Variants in ADH1B observed in about 807,000 individuals in gnomAD.
The protein encoded by ADH1B is all-trans-retinol dehydrogenase [NAD(+)] ADH1B.
ADH1B carries 29 observed loss-of-function variants against 34.6 expected under a neutral mutation model. That is an observed-to-expected ratio of 0.84 (90% CI 0.62 to 1.14). ADH1B has a LOEUF of 1.14. ADH1B is among the 50% of genes most tolerant of loss of function. The probability of loss-of-function intolerance (pLI) is 0.00; values close to 1 mark genes in which losing one functional copy is unlikely to be tolerated. For missense variants in ADH1B, 424 were observed against 468.4 expected (o/e 0.91, Z 0.87); for synonymous variants, 170 against 175.5 (o/e 0.97, Z 0.25).
chr4:99,318,556 CAAACAT>C (rs1412891529), intron 2 of ADH1B: 4 of 528,516 alleles, frequency 7.6e-6, no homozygotes, highest in East Asian at 6.8e-5. Context: ...TTTTTCTGTA[CAAACAT>C]AAATTCTTTT....
rs1013685925 is a variant in ADH1B, at chr4:99,320,947, AAC to A, written c.18+365_18+366del. On this transcript the variant is annotated intron_variant, in intron 1 of 8. Coordinates refer to ENST00000305046, the MANE Select transcript of ADH1B (RefSeq NM_000668.6). Reference sequence around the variant, plus strand: ...CATAAAAAATTTGAATAAAAATAATAACACATTTGAATTATGGTTTCTTATTA... The same window carrying A: ...CATAAAAAATTTGAATAAAAATAATAACATTTGAATTATGGTTTCTTATTA... 1.1e-5 allele frequency: 14 copies of A among 1,226,908 alleles called. No individual in the cohort carries two copies. In the African/African-American group the frequency reaches 1.3e-4, roughly 11 times the overall value. 76.0% of individuals were successfully genotyped at this position (1,226,908 alleles called of 1,614,324 possible).
intron 2 of ADH1B, 192 bp downstream of exon 2, chr4:99,318,593 T>C: frequency 1.7e-6 from 1 of 598,010 alleles, no homozygotes. Context: ...GGAATTATAC[T>C]GTATGTACTC....
intron 3 of ADH1B, chr4:99,317,656 CT>C (rs1166656795): frequency 3.1e-5 from 6 of 192,560 alleles, no homozygotes; most frequent in African/African-American, 7.1e-5. Context: ...TCCACATTTA[CT>C]TTTTTTCCCT....
rs1370075179 is a variant in ADH1B at position 99,318,768 on chromosome 4, A to G, written c.120+17T>C. On this transcript the variant is annotated intron_variant, in intron 2 of 8. Transcript: ENST00000305046. The stretch of plus-strand genomic sequence containing the variant: ...TTTTTAAATGTAAAATGAAATATAA[A>G]TGGAAAAATATTTCACCTTAATGCG... 1 of 1,590,700 alleles carries G rather than the reference A, an allele frequency of 6.3e-7. No homozygotes were observed. The highest frequency in any genetic ancestry group is 8.6e-7 in the Non-Finnish European group (1 of 1,168,422).
rs142861273 is a variant in ADH1B at position 99,315,931 on chromosome 4, C to A, written c.534G>T (p.Ser178=). 7 of 1,614,184 alleles carry A rather than the reference C, an allele frequency of 4.3e-6. No homozygotes were observed. The highest frequency in any genetic ancestry group is 2.2e-5 in the South Asian group (2 of 91,076). ...EKVCLIGCGF[S]TGYGSAVNVA... is the part of the protein sequence containing the mutation. ...CGTTAACTGCAGACCCATAACCAGT[C>A]GAGAATCCACAGCCAATGAGGCAGA... is the stretch of plus-strand genomic sequence containing the variant. Residue 178 remains serine (S), a synonymous_variant, in exon 5 of 9, where the codon TCG becomes TCT. Coordinates refer to ENST00000305046, the MANE Select transcript of ADH1B (RefSeq NM_000668.6).
rs544936759 is a variant in ADH1B at position 99,307,406 on chromosome 4, C to T, written c.*434G>A. 1.6e-5 allele frequency: 3 copies of T among 182,102 alleles called. No individual in the cohort carries two copies. The highest frequency in any genetic ancestry group is 1.8e-4 in the East Asian group (1 of 5,492). The allele number at this position is 182,102 out of a possible 1,614,324, so 11.3% of individuals were successfully genotyped here. On this transcript the variant is annotated 3_prime_UTR_variant, in exon 9 of 9. Coordinates refer to ENST00000305046, the MANE Select transcript of ADH1B (RefSeq NM_000668.6). ...ATTTTTATTAGAAAAAGGAAAATGT[C>T]GACAGTGAAAACTGAGACAGAGTTA... is the stretch of plus-strand genomic sequence containing the variant.
At position 99,313,876 on chromosome 4, in the gene ADH1B, A is replaced by G. The variant is rs1733812152; in HGVS notation, c.773T>C (p.Met258Thr). Residue 258 changes from methionine to threonine, a missense_variant, in exon 6 of 9, where the codon ATG becomes ACG. By Grantham distance (81) the Met-to-Thr change is moderately conservative. Transcript: ENST00000305046. ...CGAAAAATCCACACCTCCATCAGTC[A>G]TTTCCTTTAGCACTTCCTGAATGGG... ...KKPIQEVLKE[M>T]TDGGVDFSFE... is the part of the protein sequence containing the mutation. 1.2e-6 allele frequency: 2 copies of G among 1,614,018 alleles called. No individual in the cohort carries two copies. Among genetic ancestry groups the G allele is most frequent in the Non-Finnish European group, 1.7e-6 (2 of 1,179,918 alleles).
At position 99,305,397 on chromosome 4, in the gene ADH1B, C is replaced by T. The variant is rs1369953644; in HGVS notation, c.*2443G>A. 2.0e-5 allele frequency: 3 copies of T among 150,096 alleles called. No homozygotes were observed. Among genetic ancestry groups the T allele is most frequent in the Non-Finnish European group, 4.4e-5 (3 of 67,664 alleles). 9.3% of individuals were successfully genotyped at this position (150,096 alleles called of 1,614,324 possible). A position where few individuals can be genotyped will look rare whatever the true frequency, so the allele number is the denominator to read the frequency against. ...GCCATGCACATTTTCTCCCTGTCTT[C>T]AGTCCTGTGTCTGTCACTCTCATAA... is the stretch of plus-strand genomic sequence containing the variant. On this transcript the variant is annotated 3_prime_UTR_variant, in exon 9 of 9. Coordinates refer to ENST00000305046, the MANE Select transcript of ADH1B (RefSeq NM_000668.6).
rs1293946152 is a variant in ADH1B at position 99,314,110 on chromosome 4, T to C, written c.568-29A>G. ...TGTTTTCAGAAAATGCAAAAATAGA[T>C]TAAGTGATGATTGTTAGAAAGTGCC... is the stretch of plus-strand genomic sequence containing the variant. On this transcript the variant is annotated intron_variant, in intron 5 of 8. Transcript: ENST00000305046. 7 of 1,609,436 alleles carry C rather than the reference T, an allele frequency of 4.3e-6. No homozygotes were observed. The African/African-American group carries it at 5.4e-5, about 12-fold the overall frequency.
At position 99,306,546 on chromosome 4, in the gene ADH1B, A is replaced by G. The variant is rs940163189; in HGVS notation, c.*1294T>C. The G allele has an allele frequency of 1.3e-5, 2 of 152,232 alleles. No homozygotes were observed. The highest frequency in any genetic ancestry group is 2.9e-5 in the Non-Finnish European group (2 of 68,048). The allele number at this position is 152,232 out of a possible 1,614,324, so 9.4% of individuals were successfully genotyped here. ...CTTTATGTCTAAGGTCTTTCATAAT[A>G]TGAAATAGAATGTAGATATTGCAAC... On this transcript the variant is annotated 3_prime_UTR_variant, in exon 9 of 9. Coordinates refer to ENST00000305046, the MANE Select transcript of ADH1B (RefSeq NM_000668.6).
In ADH1B at chr4:99,316,038, C is replaced by T; in HGVS notation, c.427G>A (p.Gly143Ser). 6.2e-7 allele frequency: 1 copy of T among 1,614,180 alleles called. No individual in the cohort carries two copies. The highest frequency in any genetic ancestry group is 8.5e-7 in the Non-Finnish European group (1 of 1,180,030). ...CRGKPIHHFL[G>S]TSTFSQYTVV... The stretch of plus-strand genomic sequence containing the variant: ...GTGTACTGGGAGAAGGTGCTGGTGC[C>T]AAGGAAGTGGTGAATGGGCTTCCCC... Residue 143 changes from glycine to serine, a missense_variant, in exon 5 of 9, where the codon GGC becomes AGC. This residue lies in a region of ADH1B where 291 missense variants were observed against 300.4 expected (regional missense o/e 0.97). Coordinates refer to ENST00000305046, the MANE Select transcript of ADH1B (RefSeq NM_000668.6).
At chr4:99,311,053 G>T in intron 7 of ADH1B, 150 bp from the exon 8 acceptor site, 1 of 941,800 alleles carries the variant, frequency 1.1e-6, no homozygotes, top group African/African-American at 1.7e-5. Context: ...ACTTCAATAT[G>T]CTTTTACAGT....
At chr4:99,309,416 GGATT>G (rs1733693711) in intron 8 of ADH1B, among the ~76,000 whole-genome samples, 1 of 152,034 alleles carries the variant, frequency 6.6e-6, no homozygotes, top group Non-Finnish European at 1.5e-5. Flanking sequence ...CTTATTGATA[GGATT>G]AATTATATTT....
In ADH1B at chr4:99,321,391, C is replaced by T. The variant is rs1244179743; in HGVS notation, c.-60G>A. ...TGAGTCTTTGTGGATTTCTTCTCTG[C>T]TTGAGTGCATAAAGCAGATATATTG... On this transcript the variant is annotated 5_prime_UTR_variant, in exon 1 of 9. Coordinates refer to ENST00000305046, the MANE Select transcript of ADH1B (RefSeq NM_000668.6). 1 of 1,544,314 alleles carries T rather than the reference C, an allele frequency of 6.5e-7. No individual in the cohort carries two copies. Among genetic ancestry groups the T allele is most frequent in the Non-Finnish European group, 8.9e-7 (1 of 1,119,662 alleles).
intron 3 of ADH1B, 139 bp from the exon 4 acceptor site, chr4:99,316,441 A>C: frequency 1.1e-5 from 10 of 887,572 alleles, no homozygotes; most frequent in Non-Finnish European, 1.5e-5. Flanking sequence ...TAACTATGTC[A>C]TCTTTCAATG....
intron 7 of ADH1B, 22 bp downstream of exon 7, chr4:99,311,499 G>T: frequency 6.2e-7 from 1 of 1,609,612 alleles, no homozygotes; most frequent in Non-Finnish European, 8.5e-7. Flanking sequence ...TGAGAATTTG[G>T]CACTTGAGCC....
In ADH1B at chr4:99,313,817, A is replaced by C. The variant is rs745641952; in HGVS notation, c.828+4T>G. On this transcript the variant is annotated splice_donor_region_variant and intron_variant, in intron 6 of 8. Transcript: ENST00000305046. ...GAAATCTCAGGGCATGTCATGGTAC[A>C]TACCATGGTGTCAAGCCGACCGATG... 3.7e-6 allele frequency: 6 copies of C among 1,613,942 alleles called. No individual in the cohort carries two copies. The Admixed American group carries it at 8.3e-5, about 22-fold the overall frequency.
intron 8 of ADH1B, 48 bp from the exon 9 acceptor site, chr4:99,307,912 A>G (rs1733652493): frequency 1.1e-5 from 18 of 1,612,826 alleles, no homozygotes; most frequent in Non-Finnish European, 1.5e-5. Flanking sequence ...GACAACCCAC[A>G]TGCTTGTTGT....
chr4:99,307,870 A>G lies in ADH1B; in HGVS notation c.1104-6T>C, dbSNP rs757991123. 4.3e-6 allele frequency: 7 copies of G among 1,613,858 alleles called. No individual in the cohort carries two copies. The African/African-American group carries it at 5.3e-5, about 12-fold the overall frequency. On this transcript the variant is annotated splice_region_variant and splice_polypyrimidine_tract_variant and intron_variant, in intron 8 of 8. Transcript: ENST00000305046. ...ACGTCAGGACGGTACGGATACTGCAATAGGAAAGAAGAGACATTGTGTTAA... is the reference window on the plus strand; with the variant it reads ...ACGTCAGGACGGTACGGATACTGCAGTAGGAAAGAAGAGACATTGTGTTAA...
Sources: gnomAD v4.1 joint callset for allele counts (sites outside exome capture counted in the v4.1 genomes callset) on GRCh38, gnomAD v4.1.1 for gene constraint, gnomAD v4.1.1 regional missense constraint, MANE v1.5 for transcripts, NCBI Gene and HGNC (gene_info 2026-07-23, HGNC 2026-07-21) for gene names.